Variants in DNAJC1 observed in about 807,000 individuals in gnomAD.
DNAJC1 encodes the protein dnaJ homolog subfamily C member 1.
DNAJC1 carries 58 observed loss-of-function variants against 76.6 expected under a neutral mutation model. The observed-to-expected ratio is 0.76, with a 90% CI of 0.61 to 0.94. The LOEUF is 0.94. Ranked by LOEUF, DNAJC1 falls within the 40% of genes least tolerant of loss-of-function variation. DNAJC1 has a pLI of 0.00. For missense variants in DNAJC1, 689 were observed against 677.3 expected (o/e 1.02, Z -0.19); for synonymous variants, 258 against 267.9 (o/e 0.96, Z 0.36).
chr10:21,916,156 C>T (rs971929115), intron 6 of DNAJC1, among the ~76,000 whole-genome samples: 6 of 151,972 alleles, frequency 3.9e-5, no homozygotes, highest in Admixed American at 2.0e-4. Context: ...ATAGTTTATG[C>T]CAGAAAGAGT....
At chr10:21,927,422 C>G (rs548542525) in intron 3 of DNAJC1, among the ~76,000 whole-genome samples, 10 of 152,104 alleles carry the variant, frequency 6.6e-5, no homozygotes, top group African/African-American at 2.2e-4. Context: ...TGTATTACCC[C>G]CCTAGTGAAG....
In DNAJC1 at chr10:21,887,273, T is replaced by C. The variant is rs533416179; in HGVS notation, c.821-4834A>G. ...CAAGTGGAAAAACATCCCATGCTCATGGATAGGAAGAATCAGTATCATTTA... is the reference window on the plus strand; with the variant it reads ...CAAGTGGAAAAACATCCCATGCTCACGGATAGGAAGAATCAGTATCATTTA... On this transcript the variant is annotated intron_variant, in intron 7 of 11. Transcript: ENST00000376980. 2.6e-5 allele frequency among the ~76,000 whole-genome samples: 4 copies of C among 152,328 alleles called. No individual in the cohort carries two copies. In the East Asian group the frequency reaches 5.8e-4, roughly 22 times the overall value.
intron 1 of DNAJC1, among the ~76,000 whole-genome samples, chr10:21,934,966 T>C (rs1015050659): frequency 3.3e-5 from 5 of 152,122 alleles, no homozygotes; most frequent in Admixed American, 2.6e-4. Context: ...AGTGTCTATT[T>C]CAGAAAAGTC....
intron 1 of DNAJC1, among the ~76,000 whole-genome samples, chr10:22,000,107 T>C (rs964167703): frequency 1.3e-5 from 2 of 152,176 alleles, no homozygotes; most frequent in African/African-American, 4.8e-5. Context: ...CAAAAATCTT[T>C]AGAATTATCT....
intron 6 of DNAJC1, among the ~76,000 whole-genome samples, chr10:21,908,037 T>A (rs1242100707): frequency 3.6e-5 from 4 of 111,518 alleles, no homozygotes; most frequent in Non-Finnish European, 5.2e-5. Context: ...ATATATAATA[T>A]AATATAATAT....
chr10:21,975,787 C>T (rs1248801071), intron 1 of DNAJC1, among the ~76,000 whole-genome samples: 1 of 152,150 alleles, frequency 6.6e-6, no homozygotes, highest in Non-Finnish European at 1.5e-5. Flanking sequence ...TTCTTTGCTG[C>T]TCTCATCTGG....
intron 7 of DNAJC1, among the ~76,000 whole-genome samples, chr10:21,884,336 A>C (rs996678113): frequency 5.3e-5 from 8 of 152,196 alleles, no homozygotes; most frequent in Non-Finnish European, 1.2e-4. Flanking sequence ...TCTAAAGGTT[A>C]AAGAAATACA....
At chr10:21,957,811 T>C (rs1294956399) in intron 1 of DNAJC1, among the ~76,000 whole-genome samples, 1 of 152,170 alleles carries the variant, frequency 6.6e-6, no homozygotes, top group Non-Finnish European at 1.5e-5. Context: ...CTTCTCAATA[T>C]TTTTTTAAAA....
rs559447862 is a variant in DNAJC1 at position 21,874,244 on chromosome 10, C to T, written c.978+8038G>A. ...CAGCCTGGGCAACATAGTGAGATGC[C>T]GTCCAAACAAAAAAAATAAATTAGC... On this transcript the variant is annotated intron_variant, in intron 8 of 11. Coordinates refer to ENST00000376980, the MANE Select transcript of DNAJC1 (RefSeq NM_022365.4). Among the ~76,000 whole-genome samples, 32 of 151,886 alleles carry T rather than the reference C, an allele frequency of 2.1e-4. 1 individual carries two copies. The highest frequency in any genetic ancestry group is 2.1e-4 in the South Asian group (1 of 4,808).
Position 21,759,445 on chromosome 10 carries a change from G to A in DNAJC1, c.1321C>T (p.Arg441Trp), listed in dbSNP as rs775695831. ...CTGGCTGGCTTCCGCCTCCGAGGCC[G>A]GGCATCAGTGGCCCCGGTCTCCTGC... ...GEQETGATDA[R>W]PRRRKPARLL... Residue 441 changes from arginine to tryptophan, a missense_variant, in exon 11 of 12, where the codon CGG becomes TGG. Arg to Trp is a moderately radical substitution (Grantham distance 101). Coordinates refer to ENST00000376980, the MANE Select transcript of DNAJC1 (RefSeq NM_022365.4). The A allele has an allele frequency of 5.6e-6, 9 of 1,614,070 alleles. No homozygotes were observed. The East Asian group carries it at 8.9e-5, about 16-fold the overall frequency.
intron 8 of DNAJC1, among the ~76,000 whole-genome samples, chr10:21,841,788 A>G (rs888185942): frequency 6.6e-6 from 1 of 152,132 alleles, no homozygotes; most frequent in Non-Finnish European, 1.5e-5. Flanking sequence ...ATGCTGCTAT[A>G]AAGACACACG....
chr10:21,836,725 CA>C (rs926351784), intron 8 of DNAJC1, among the ~76,000 whole-genome samples: 13 of 152,030 alleles, frequency 8.6e-5, no homozygotes, highest in Non-Finnish European at 1.5e-4. Context: ...TCAAAAGAGA[CA>C]AAGAAGGCCA....
chr10:21,830,518 A>C (rs1165982589), intron 8 of DNAJC1, among the ~76,000 whole-genome samples: 1 of 151,758 alleles, frequency 6.6e-6, no homozygotes, highest in Non-Finnish European at 1.5e-5. Flanking sequence ...AAGATTTTCT[A>C]TTTGCTTTAA....
intron 8 of DNAJC1, among the ~76,000 whole-genome samples, chr10:21,864,104 G>T (rs1363975091): frequency 6.6e-6 from 1 of 152,168 alleles, no homozygotes; most frequent in South Asian, 2.1e-4. Context: ...CTACTCAAGA[G>T]GCTCAGGTGG....
intron 8 of DNAJC1, among the ~76,000 whole-genome samples, chr10:21,843,265 T>C (rs1835601246): frequency 6.6e-6 from 1 of 152,212 alleles, no homozygotes; most frequent in Admixed American, 6.5e-5. Flanking sequence ...TAGCTAACTT[T>C]GTAATCTCTG....
At chr10:21,955,125 T>C (rs1435301893) in intron 1 of DNAJC1, among the ~76,000 whole-genome samples, 1 of 152,150 alleles carries the variant, frequency 6.6e-6, no homozygotes, top group African/African-American at 2.4e-5. Context: ...TTGTCAAATG[T>C]CCCTGGGCAG....
At chr10:21,801,709 T>C (rs889490771) in intron 9 of DNAJC1, among the ~76,000 whole-genome samples, 1 of 152,270 alleles carries the variant, frequency 6.6e-6, no homozygotes, top group Middle Eastern at 3.4e-3. Flanking sequence ...GCAGCACTAT[T>C]CACAACAGCA....
chr10:21,925,456 G>T (rs1837112057), intron 3 of DNAJC1, among the ~76,000 whole-genome samples: 1 of 152,172 alleles, frequency 6.6e-6, no homozygotes, highest in Non-Finnish European at 1.5e-5. Flanking sequence ...CAAGAGAAAT[G>T]AAAACATATG....
At chr10:21,988,458 C>T (rs1180435095) in intron 1 of DNAJC1, among the ~76,000 whole-genome samples, 1 of 151,982 alleles carries the variant, frequency 6.6e-6, no homozygotes, top group Non-Finnish European at 1.5e-5. Flanking sequence ...ATGAAAGGGC[C>T]CTTTATCTTC....
Sources: allele counts gnomAD v4.1 joint callset (sites outside exome capture counted in the v4.1 genomes callset), GRCh38; gene constraint gnomAD v4.1.1; transcripts MANE v1.5; gene names NCBI Gene and HGNC (gene_info 2026-07-23, HGNC 2026-07-21).